DMD: variants seen among roughly 807,000 people sequenced by gnomAD.
DMD encodes mutant dystrophin.
In DMD, 63 loss-of-function variants were observed where a neutral mutation model predicts 330.1. That is an observed-to-expected ratio of 0.19 (90% confidence interval 0.16 to 0.24). The LOEUF is 0.24. DMD is among the 10% of genes least tolerant of loss of function. The probability of loss-of-function intolerance (pLI) is 1.00; values close to 1 mark genes in which losing one functional copy is unlikely to be tolerated. For synonymous variants in DMD, 1,223 were observed against 959.8 expected (o/e 1.27, Z -5.07); for missense variants, 3,344 against 2,684.1 (o/e 1.25, Z -5.43).
chrX:32,743,324 T>C (rs1569504831), intron 7 of DMD, among the ~76,000 whole-genome samples: 1 of 111,893 alleles, frequency 8.9e-6, no homozygotes, highest in African/African-American at 3.2e-5. Flanking sequence ...TGAAATGTAG[T>C]CTTCATTGAC....
In DMD at chrX:33,096,718, C is replaced by T. The variant is rs113133433; in HGVS notation, c.32-76518G>A. 5.4e-5 allele frequency among the ~76,000 whole-genome samples: 6 copies of T among 111,268 alleles called. No individual in the cohort carries two copies. The East Asian group carries it at 1.7e-3, about 32-fold the overall frequency. ...ATGGGGTTTCACCATGTGGGCCAGGCTGGTCTCGAACTCCTGGCCTCAAGC... is the reference window on the plus strand; with the variant it reads ...ATGGGGTTTCACCATGTGGGCCAGGTTGGTCTCGAACTCCTGGCCTCAAGC... On this transcript the variant is annotated intron_variant, in intron 1 of 78. Coordinates refer to ENST00000357033, the MANE Select transcript of DMD (RefSeq NM_004006.3).
chrX:31,620,750 CTTTGCCTTTTTCACAATTAGT>C (rs1569127577), intron 55 of DMD, among the ~76,000 whole-genome samples: 1 of 111,294 alleles, frequency 9.0e-6, no homozygotes, highest in East Asian at 2.8e-4. Context: ...TTTGCTAATT[CTTTGCCTTTTTCACAATTAGT>C]TTATTAAGAG....
intron 61 of DMD, among the ~76,000 whole-genome samples, chrX:31,324,892 T>C (rs950546338): frequency 8.9e-6 from 1 of 112,379 alleles, no homozygotes; most frequent in Non-Finnish European, 1.9e-5. Flanking sequence ...CCAGACAATT[T>C]AAGCGTAATG....
chrX:32,711,692 C>A (rs1002906978), intron 7 of DMD, among the ~76,000 whole-genome samples: 1 of 112,074 alleles, frequency 8.9e-6, no homozygotes, highest in South Asian at 3.7e-4. Flanking sequence ...CCCCATATCT[C>A]TACAGCACCA....
At chrX:31,589,098 T>TA (rs58975023) in intron 55 of DMD, among the ~76,000 whole-genome samples, 34,451 of 100,421 alleles carry the variant, frequency 0.34, 4,827 homozygotes, top group African/African-American at 0.45. Flanking sequence ...GTCATGCAAG[T>TA]AAAAAAAAAA....
intron 44 of DMD, among the ~76,000 whole-genome samples, chrX:32,190,631 G>T (rs966510553): frequency 1.1e-5 from 1 of 95,113 alleles, no homozygotes; most frequent in African/African-American, 4.0e-5. Context: ...ACAGTTATAA[G>T]TTCTTTAAGA....
chrX:31,496,986 G>A (rs1474827256), intron 56 of DMD, 42 bp from the exon 57 acceptor site: 1 of 1,163,588 alleles, frequency 8.6e-7, no homozygotes, highest in Non-Finnish European at 1.2e-6. Context: ...ATATCTAGAA[G>A]TGTAATTGAT....
At chrX:32,771,738 T>C (rs972383027) in intron 7 of DMD, among the ~76,000 whole-genome samples, 1 of 111,761 alleles carries the variant, frequency 8.9e-6, no homozygotes, top group Non-Finnish European at 1.9e-5. Flanking sequence ...AGGTTGACTA[T>C]TTTAATGCTA....
rs149255169 is a variant in DMD, at chrX:31,990,249, G to C, written c.6439-21735C>G. ...TTCAACTAAACACTTCAGTCCTTTT[G>C]GGTGAGCTCTTTATATTATTTAAAA... On this transcript the variant is annotated intron_variant, in intron 44 of 78. Coordinates refer to ENST00000357033, the MANE Select transcript of DMD (RefSeq NM_004006.3). Among the ~76,000 whole-genome samples, 533 of 111,316 alleles carry C rather than the reference G, an allele frequency of 4.8e-3. 2 individuals carry two copies. Among genetic ancestry groups the C allele is most frequent in the African/African-American group, 0.016 (495 of 30,677 alleles).
rs187530050 is a variant in DMD at position 31,560,578 on chromosome X, G to A, written c.8218-53125C>T. Among the ~76,000 whole-genome samples, 57 of 110,660 alleles carry A rather than the reference G, an allele frequency of 5.2e-4. No individual in the cohort carries two copies. In the East Asian group the frequency reaches 0.015, roughly 30 times the overall value. ...TAGGGACATTTCAAAATAGACACTC[G>A]AACAGACAGTGCCGTGATCTGTAAG... On this transcript the variant is annotated intron_variant, in intron 55 of 78. Coordinates refer to ENST00000357033, the MANE Select transcript of DMD (RefSeq NM_004006.3).
chrX:31,214,336 C>T (rs1050989979), intron 64 of DMD, among the ~76,000 whole-genome samples: 1 of 112,234 alleles, frequency 8.9e-6, no homozygotes, highest in Non-Finnish European at 1.9e-5. Flanking sequence ...AAATAAGATA[C>T]TATGGCTATT....
chrX:32,450,436 T>C (rs149117601), intron 26 of DMD, among the ~76,000 whole-genome samples: 8,583 of 110,809 alleles, frequency 0.077, 410 homozygotes, highest in East Asian at 0.16. Context: ...TTGGCATCAC[T>C]GAGCATAGAG....
intron 60 of DMD, among the ~76,000 whole-genome samples, chrX:31,358,079 C>A (rs2058755578): frequency 9.1e-6 from 1 of 110,197 alleles, no homozygotes; most frequent in African/African-American, 3.3e-5. Context: ...TTGCACACTT[C>A]TGACCTAGCC....
At chrX:33,108,829 G>T (rs2095314364) in intron 1 of DMD, among the ~76,000 whole-genome samples, 2 of 73,374 alleles carry the variant, frequency 2.7e-5, no homozygotes, top group Non-Finnish European at 4.9e-5. Flanking sequence ...TCGCGCCGTT[G>T]CACTCCAGCC....
intron 59 of DMD, among the ~76,000 whole-genome samples, chrX:31,463,753 C>A (rs1336389202): frequency 1.8e-5 from 2 of 111,668 alleles, no homozygotes; most frequent in Non-Finnish European, 3.8e-5. Flanking sequence ...CATGTATACA[C>A]AAGCTAATAC....
chrX:32,619,703 A>G (rs912264395), intron 11 of DMD, among the ~76,000 whole-genome samples: 2 of 111,968 alleles, frequency 1.8e-5, no homozygotes, highest in African/African-American at 6.5e-5. Context: ...CAGGAAAGAT[A>G]GAACACACTC....
At chrX:32,448,029 T>A (rs1171497007) in intron 27 of DMD, among the ~76,000 whole-genome samples, 1 of 111,024 alleles carries the variant, frequency 9.0e-6, no homozygotes, top group Non-Finnish European at 1.9e-5. Flanking sequence ...AAAAACATAC[T>A]TCTCTACAGA....
intron 62 of DMD, among the ~76,000 whole-genome samples, chrX:31,262,525 G>A (rs1416997157): frequency 8.9e-6 from 1 of 112,281 alleles, no homozygotes; most frequent in Non-Finnish European, 1.9e-5. Flanking sequence ...GAACAGTGAG[G>A]GCTACTGAAA....
At chrX:31,803,030 T>C (rs955371210) in intron 50 of DMD, among the ~76,000 whole-genome samples, 1 of 111,978 alleles carries the variant, frequency 8.9e-6, no homozygotes, top group Non-Finnish European at 1.9e-5. Context: ...ACAGAACTTT[T>C]GTATGTTCCT....
Sources: allele counts gnomAD v4.1 joint callset (sites outside exome capture counted in the v4.1 genomes callset), GRCh38; gene constraint gnomAD v4.1.1; transcripts MANE v1.5; gene names NCBI Gene and HGNC (gene_info 2026-07-23, HGNC 2026-07-21).